Variants in SCN9A observed in about 807,000 individuals in gnomAD.
The protein encoded by SCN9A is sodium channel protein type 9 subunit alpha.
In SCN9A, 131 loss-of-function variants were observed where a neutral mutation model predicts 187.0. The ratio of observed to expected loss-of-function variants is 0.70; its 90% CI spans 0.61 to 0.81. SCN9A has a LOEUF of 0.81. Among genes scored for constraint, SCN9A ranks in the 30% least tolerant of loss-of-function variants. The pLI, the probability that SCN9A is intolerant of heterozygous loss-of-function variation, is 0.00. For synonymous variants in SCN9A, 809 were observed against 808.6 expected (o/e 1.00, Z -0.01); for missense variants, 2,252 against 2,396.6 (o/e 0.94, Z 1.26).
chr2:166,314,514 G>A (rs1229875017), intron 1 of SCN9A, among the ~76,000 whole-genome samples: 1 of 152,126 alleles, frequency 6.6e-6, no homozygotes, highest in Non-Finnish European at 1.5e-5. Context: ...TTACATGAAT[G>A]TTCAGCAGCA....
intron 11 of SCN9A, 66 bp downstream of exon 11, chr2:166,286,270 T>A: frequency 1.3e-6 from 2 of 1,488,546 alleles, no homozygotes; most frequent in Non-Finnish European, 1.8e-6. Flanking sequence ...TCTCTTACCC[T>A]AAAATAAGAC....
At chr2:166,373,327 T>TA (rs376692400) in intron 1 of SCN9A, among the ~76,000 whole-genome samples, 2 of 150,100 alleles carry the variant, frequency 1.3e-5, no homozygotes, top group African/African-American at 4.9e-5. Context: ...TTTTTTTTTT[T>TA]AAATGCAGTT....
intron 7 of SCN9A, among the ~76,000 whole-genome samples, chr2:166,299,138 C>T (rs946223934): frequency 2.0e-5 from 3 of 152,178 alleles, no homozygotes; most frequent in African/African-American, 7.2e-5. Flanking sequence ...CTCCCTCTCT[C>T]TCCTGAATTG....
At chr2:166,322,436 G>A (rs922754133) in intron 1 of SCN9A, among the ~76,000 whole-genome samples, 1 of 152,102 alleles carries the variant, frequency 6.6e-6, no homozygotes, top group African/African-American at 2.4e-5. Flanking sequence ...TGACCCTGTG[G>A]AGATGACATA....
At chr2:166,351,402 T>C (rs535735811) in intron 1 of SCN9A, among the ~76,000 whole-genome samples, 2 of 152,316 alleles carry the variant, frequency 1.3e-5, no homozygotes, top group South Asian at 2.1e-4. Context: ...ATGTTTCTTT[T>C]TCAAGCAAAA....
chr2:166,242,537 T>C lies in SCN9A; in HGVS notation c.3592A>G (p.Ile1198Val), dbSNP rs746476933. ...CTGCTGAGCAGGATCATGAGGACAA[T>C]GAAGCTTTCAAACCAACTGTGTTCA... is the stretch of plus-strand genomic sequence containing the variant. ...IVEHSWFESF[I>V]VLMILLSSGA... The change falls in exon 19 of 27, where the codon ATT becomes GTT. Residue 1198 changes from isoleucine to valine, a missense_variant. Physicochemically the swap from Ile to Val is conservative, Grantham distance 29. This residue lies in a region of SCN9A where 313 missense variants were observed against 295.3 expected (regional missense o/e 1.06). Coordinates refer to ENST00000642356, the MANE Select transcript of SCN9A (RefSeq NM_001365536.1). The C allele has an allele frequency of 9.4e-6, 15 of 1,597,040 alleles. No homozygotes were observed. Among genetic ancestry groups the C allele is most frequent in the South Asian group, 9.1e-5 (8 of 87,826 alleles).
intron 7 of SCN9A, 105 bp downstream of exon 7, chr2:166,302,985 G>T: frequency 1.1e-6 from 1 of 908,436 alleles, no homozygotes; most frequent in Non-Finnish European, 1.7e-6. Context: ...CTATATATTT[G>T]AATAGCTTTG....
intron 1 of SCN9A, among the ~76,000 whole-genome samples, chr2:166,318,504 A>G (rs1439349782): frequency 2.6e-5 from 4 of 152,222 alleles, no homozygotes; most frequent in African/African-American, 9.6e-5. Context: ...AAAAAAGCAA[A>G]CATTGTGGGA....
At chr2:166,216,687 T>A (rs1246149857) in intron 24 of SCN9A, among the ~76,000 whole-genome samples, 5 of 152,094 alleles carry the variant, frequency 3.3e-5, no homozygotes, top group Admixed American at 1.3e-4. Flanking sequence ...CCAGGAAAGT[T>A]GAAGATCTGT....
chr2:166,311,840 T>C, intron 1 of SCN9A, 34 bp from the exon 2 acceptor site: 1 of 1,358,382 alleles, frequency 7.4e-7, no homozygotes, highest in Non-Finnish European at 9.9e-7. Context: ...GACTTAACTA[T>C]TTGCCTGCCA....
chr2:166,354,717 T>C (rs1489238494), intron 1 of SCN9A, among the ~76,000 whole-genome samples: 4 of 152,180 alleles, frequency 2.6e-5, no homozygotes, highest in African/African-American at 7.2e-5. Context: ...TAAAATAGTT[T>C]ATGCAGTTTG....
chr2:166,320,298 T>C (rs1440377007), intron 1 of SCN9A, among the ~76,000 whole-genome samples: 1 of 152,110 alleles, frequency 6.6e-6, no homozygotes, highest in Non-Finnish European at 1.5e-5. Context: ...AAGAAGATAT[T>C]ATACCTCTCT....
At chr2:166,369,812 A>C (rs1700505387) in intron 1 of SCN9A, among the ~76,000 whole-genome samples, 2 of 152,164 alleles carry the variant, frequency 1.3e-5, no homozygotes, top group African/African-American at 2.4e-5. Flanking sequence ...CATTTAGTAG[A>C]GCTTAAATCA....
intron 24 of SCN9A, among the ~76,000 whole-genome samples, chr2:166,217,015 T>C (rs993953886): frequency 4.6e-5 from 7 of 152,134 alleles, no homozygotes; most frequent in South Asian, 4.1e-4. Flanking sequence ...CACAGATATA[T>C]TGGCTAATGG....
intron 15 of SCN9A, 71 bp downstream of exon 15, chr2:166,278,069 T>TA: frequency 7.6e-7 from 1 of 1,321,534 alleles, no homozygotes; most frequent in Non-Finnish European, 1.0e-6. Context: ...CAAAAGTTTT[T>TA]AAAAATAATG....
At chr2:166,371,120 C>T (rs1161644337) in intron 1 of SCN9A, among the ~76,000 whole-genome samples, 2 of 152,148 alleles carry the variant, frequency 1.3e-5, no homozygotes, top group African/African-American at 2.4e-5. Context: ...GCATTTTTGG[C>T]TCCATGTTAT....
chr2:166,305,542 C>T (rs992421567), intron 5 of SCN9A, among the ~76,000 whole-genome samples: 1 of 152,048 alleles, frequency 6.6e-6, no homozygotes, highest in Non-Finnish European at 1.5e-5. Flanking sequence ...ATAGACTATC[C>T]ATCCAAGTGC....
At chr2:166,355,756 C>T (rs1413235021) in intron 1 of SCN9A, among the ~76,000 whole-genome samples, 1 of 151,344 alleles carries the variant, frequency 6.6e-6, no homozygotes. Flanking sequence ...ATTTTCATGA[C>T]ATATTTCTGG....
chr2:166,309,562 C>T (rs1328641833), intron 2 of SCN9A, among the ~76,000 whole-genome samples: 8 of 151,876 alleles, frequency 5.3e-5, no homozygotes, highest in African/African-American at 1.2e-4. Context: ...AGGACCTCTT[C>T]GAGGAGAACT....
Sources: allele counts gnomAD v4.1 joint callset (sites outside exome capture counted in the v4.1 genomes callset), GRCh38; gene constraint gnomAD v4.1.1; regional missense constraint gnomAD v4.1.1; transcripts MANE v1.5; gene names NCBI Gene and HGNC (gene_info 2026-07-23, HGNC 2026-07-21).